LAMA2: variants seen among roughly 807,000 people sequenced by gnomAD.
The protein encoded by LAMA2 is laminin subunit alpha-2.
In LAMA2, 269 loss-of-function variants were observed where a neutral mutation model predicts 364.8. The observed-to-expected ratio is 0.74, with a 90% CI of 0.67 to 0.82. The LOEUF (loss-of-function observed/expected upper bound fraction) is 0.82, where lower values mean the gene tolerates loss of function less well. Ranked by LOEUF, LAMA2 falls within the 40% of genes least tolerant of loss-of-function variation. LAMA2 has a pLI of 0.00. For synonymous variants in LAMA2, 1,379 were observed against 1,370.6 expected (o/e 1.01, Z -0.14); for missense variants, 3,807 against 3,873.2 (o/e 0.98, Z 0.45).
intron 12 of LAMA2, among the ~76,000 whole-genome samples, chr6:129,235,996 T>C (rs1784958299): frequency 1.3e-5 from 2 of 152,164 alleles, no homozygotes; most frequent in East Asian, 1.9e-4. Context: ...GTTAGAAAAT[T>C]TCCCTATTAA....
chr6:129,439,634 G>A (rs1395764014), intron 42 of LAMA2, among the ~76,000 whole-genome samples: 1 of 151,660 alleles, frequency 6.6e-6, no homozygotes, highest in Non-Finnish European at 1.5e-5. Flanking sequence ...TTTTTGCATG[G>A]TATTAGTTCC....
At chr6:129,249,225 A>C in intron 12 of LAMA2, among the ~76,000 whole-genome samples, 1 of 152,190 alleles carries the variant, frequency 6.6e-6, no homozygotes, top group Non-Finnish European at 1.5e-5. Context: ...ATGTCAGCAC[A>C]GAGCAAGCAG....
At chr6:129,251,247 C>G (rs1369167257) in intron 13 of LAMA2, among the ~76,000 whole-genome samples, 3 of 151,918 alleles carry the variant, frequency 2.0e-5, no homozygotes, top group Non-Finnish European at 4.4e-5. Context: ...ATTCAATATA[C>G]TCCTTAGATG....
At chr6:129,426,859 C>T (rs566681301) in intron 40 of LAMA2, among the ~76,000 whole-genome samples, 1 of 152,266 alleles carries the variant, frequency 6.6e-6, no homozygotes, top group South Asian at 2.1e-4. Flanking sequence ...ATGCCTTTAA[C>T]GAGTGTTATG....
chr6:129,291,477 G>C (rs1185164838), intron 19 of LAMA2, 137 bp from the exon 20 acceptor site: 4 of 704,360 alleles, frequency 5.7e-6, no homozygotes, highest in Admixed American at 4.1e-5. Flanking sequence ...TGCCTAACAG[G>C]GCACTTAACA....
At position 129,116,970 on chromosome 6, in the gene LAMA2, T is replaced by A. The variant is rs114243003; in HGVS notation, c.639+18555T>A. ...TACATGACAAAACACAACTTTAAAATGACAACAAAAAATTAAAATTTCACT... is the reference window on the plus strand; with the variant it reads ...TACATGACAAAACACAACTTTAAAAAGACAACAAAAAATTAAAATTTCACT... On this transcript the variant is annotated intron_variant, in intron 4 of 64. Coordinates refer to ENST00000421865, the MANE Select transcript of LAMA2 (RefSeq NM_000426.4). 6.1e-3 allele frequency among the ~76,000 whole-genome samples: 923 copies of A among 152,130 alleles called. 8 individuals are homozygous for A. Among genetic ancestry groups the A allele is most frequent in the African/African-American group, 0.021 (884 of 41,518 alleles).
chr6:129,203,362 C>G (rs1583242226), intron 12 of LAMA2, among the ~76,000 whole-genome samples: 1 of 152,198 alleles, frequency 6.6e-6, no homozygotes, highest in Non-Finnish European at 1.5e-5. Context: ...TATGGGGCAA[C>G]CCCCAACATG....
intron 62 of LAMA2, among the ~76,000 whole-genome samples, chr6:129,509,244 C>G (rs897288323): frequency 7.2e-5 from 11 of 152,106 alleles, no homozygotes; most frequent in Non-Finnish European, 1.6e-4. Context: ...CTTTTATATT[C>G]TGGTTATTAA....
intron 10 of LAMA2, among the ~76,000 whole-genome samples, chr6:129,186,839 C>T (rs994313972): frequency 2.6e-5 from 4 of 151,626 alleles, no homozygotes; most frequent in Non-Finnish European, 1.5e-5. Context: ...AGAAACTGTG[C>T]TAAGGGAACT....
At chr6:129,134,069 G>A (rs1299789265) in intron 4 of LAMA2, among the ~76,000 whole-genome samples, 2 of 152,108 alleles carry the variant, frequency 1.3e-5, no homozygotes, top group Admixed American at 6.5e-5. Flanking sequence ...GTTCCCACAC[G>A]GGGACTGAAA....
chr6:128,898,798 G>A (rs971854286), intron 1 of LAMA2, among the ~76,000 whole-genome samples: 1 of 152,146 alleles, frequency 6.6e-6, no homozygotes, highest in Non-Finnish European at 1.5e-5. Context: ...GACAGCTCTT[G>A]TATTTTTCTC....
At chr6:129,129,923 C>G (rs1057318311) in intron 4 of LAMA2, among the ~76,000 whole-genome samples, 1 of 76,292 alleles carries the variant, frequency 1.3e-5, no homozygotes, top group Non-Finnish European at 2.8e-5. Context: ...GATTCCGTCT[C>G]AAAAAAAAAA....
intron 41 of LAMA2, among the ~76,000 whole-genome samples, chr6:129,429,069 C>T (rs539971177): frequency 6.6e-6 from 1 of 152,240 alleles, no homozygotes; most frequent in African/African-American, 2.4e-5. Flanking sequence ...TTGGAATGCC[C>T]CATCCTTCAC....
intron 29 of LAMA2, among the ~76,000 whole-genome samples, chr6:129,329,044 A>G (rs1583505540): frequency 6.6e-6 from 1 of 152,148 alleles, no homozygotes; most frequent in East Asian, 1.9e-4. Context: ...CACCATCTGC[A>G]TTAGAACAAT....
At chr6:129,492,141 C>G (rs1276074751) in intron 57 of LAMA2, 64 bp downstream of exon 57, 1 of 1,472,854 alleles carries the variant, frequency 6.8e-7, no homozygotes. Flanking sequence ...TTAGGGGTCC[C>G]AATGCATCTA....
chr6:129,044,025 A>G (rs1358116580), intron 1 of LAMA2, among the ~76,000 whole-genome samples: 1 of 152,064 alleles, frequency 6.6e-6, no homozygotes, highest in Admixed American at 6.6e-5. Flanking sequence ...AGTTTTGTTC[A>G]CTAGTTCTTC....
rs535351317 is a variant in LAMA2 at position 129,122,101 on chromosome 6, T to A, written c.640-21800T>A. ...AAACTTTCAAGTTTTTTAAACTGAT[T>A]TACTGGTTGTATATGTAGCTAATTG... On this transcript the variant is annotated intron_variant, in intron 4 of 64. Transcript: ENST00000421865. 3.3e-5 allele frequency among the ~76,000 whole-genome samples: 5 copies of A among 152,360 alleles called. No homozygotes were observed. In the South Asian group the frequency reaches 1.0e-3, roughly 32 times the overall value.
At chr6:129,374,348 A>G (rs1778250529) in intron 34 of LAMA2, among the ~76,000 whole-genome samples, 2 of 152,152 alleles carry the variant, frequency 1.3e-5, no homozygotes, top group African/African-American at 4.8e-5. Flanking sequence ...CCAATTACCC[A>G]TGACTACATT....
chr6:128,898,937 T>C (rs1156698962), intron 1 of LAMA2, among the ~76,000 whole-genome samples: 1 of 152,168 alleles, frequency 6.6e-6, no homozygotes, highest in Non-Finnish European at 1.5e-5. Flanking sequence ...GATGGCTGTC[T>C]CCTTCTCAAT....
Sources: gnomAD v4.1 joint callset for allele counts (sites outside exome capture counted in the v4.1 genomes callset) on GRCh38, gnomAD v4.1.1 for gene constraint, MANE v1.5 for transcripts, NCBI Gene and HGNC (gene_info 2026-07-23, HGNC 2026-07-21) for gene names.